Variants in PARD3 observed in about 807,000 individuals in gnomAD.
PARD3 encodes partitioning defective 3 homolog.
A neutral mutation model predicts 155.4 loss-of-function variants in PARD3; 75 were observed. That is an observed-to-expected ratio of 0.48 (90% confidence interval 0.40 to 0.58). The LOEUF (loss-of-function observed/expected upper bound fraction) is 0.58. PARD3 is among the 20% of genes least tolerant of loss of function. The pLI is 0.00. For missense variants in PARD3, 1,642 were observed against 1,721.7 expected, an observed-to-expected ratio of 0.95 and a Z score of 0.82; for synonymous variants, 576 against 610.5, an observed-to-expected ratio of 0.94 and a Z score of 0.83.
At chr10:34,603,353 T>C (rs753641874) in intron 2 of PARD3, among the ~76,000 whole-genome samples, 2 of 151,996 alleles carry the variant, frequency 1.3e-5, no homozygotes, top group African/African-American at 4.9e-5. Flanking sequence ...CACAGAAGAC[T>C]TGATACATTC....
At position 34,518,988 on chromosome 10, in the gene PARD3, T is replaced by C. The variant is rs150859437; in HGVS notation, c.223-1829A>G. Among the ~76,000 whole-genome samples, 30 of 152,310 alleles carry C rather than the reference T, an allele frequency of 2.0e-4. No individual in the cohort carries two copies. In the East Asian group the frequency reaches 2.1e-3, roughly 11 times the overall value. On this transcript the variant is annotated intron_variant, in intron 2 of 24. Coordinates refer to ENST00000374788, the MANE Select transcript of PARD3 (RefSeq NM_001184785.2). Reference sequence around the variant, plus strand: ...CTGATAAAATGCACTGGGAAGTATATAACATTACTTTTGTGGTATTCTTGC... The same window carrying C: ...CTGATAAAATGCACTGGGAAGTATACAACATTACTTTTGTGGTATTCTTGC...
intron 18 of PARD3, among the ~76,000 whole-genome samples, chr10:34,334,999 G>A (rs1032671563): frequency 1.3e-5 from 2 of 151,862 alleles, no homozygotes; most frequent in Non-Finnish European, 2.9e-5. Flanking sequence ...TACCTGAGCA[G>A]CTCAATTTGG....
chr10:34,619,022 C>T (rs982789026), intron 2 of PARD3, among the ~76,000 whole-genome samples: 2 of 151,680 alleles, frequency 1.3e-5, no homozygotes, highest in African/African-American at 4.8e-5. Flanking sequence ...CTCTAGAGTT[C>T]ACCAATATAG....
chr10:34,434,674 C>A (rs982975357), intron 5 of PARD3, among the ~76,000 whole-genome samples: 6 of 152,132 alleles, frequency 3.9e-5, no homozygotes. Flanking sequence ...GAGCTGTTGA[C>A]AGCTTGGACT....
chr10:34,304,786 A>G (rs1361972915), intron 20 of PARD3, among the ~76,000 whole-genome samples: 4 of 152,198 alleles, frequency 2.6e-5, no homozygotes, highest in African/African-American at 9.7e-5. Flanking sequence ...ATTGAAAACA[A>G]TGTTCTCTGC....
intron 2 of PARD3, among the ~76,000 whole-genome samples, chr10:34,684,455 A>G (rs1464756457): frequency 1.3e-5 from 2 of 152,144 alleles, no homozygotes; most frequent in Non-Finnish European, 2.9e-5. Context: ...TCAAACTCAC[A>G]GAAGACAACA....
intron 20 of PARD3, among the ~76,000 whole-genome samples, chr10:34,305,563 CTT>C (rs1589121873): frequency 6.6e-6 from 1 of 152,252 alleles, no homozygotes; most frequent in African/African-American, 2.4e-5. Flanking sequence ...AACACGAACT[CTT>C]TGCTTAAATC....
intron 7 of PARD3, among the ~76,000 whole-genome samples, chr10:34,397,595 A>G (rs563624313): frequency 9.2e-5 from 14 of 152,326 alleles, no homozygotes; most frequent in Admixed American, 2.0e-4. Flanking sequence ...GGATTTTGTG[A>G]AATGCCTTCC....
At chr10:34,325,927 C>A (rs554073100) in intron 19 of PARD3, among the ~76,000 whole-genome samples, 19 of 152,178 alleles carry the variant, frequency 1.2e-4, no homozygotes, top group African/African-American at 3.6e-4. Context: ...TCAAGACCAG[C>A]CTGGCCAACA....
At chr10:34,160,538 C>T (rs138016380) in intron 22 of PARD3, among the ~76,000 whole-genome samples, 2 of 152,316 alleles carry the variant, frequency 1.3e-5, no homozygotes, top group Admixed American at 1.3e-4. Context: ...GAAATTAGAT[C>T]TAACACAGTG....
Position 34,508,647 on chromosome 10 carries a change from G to T in PARD3, c.403+8332C>A, listed in dbSNP as rs191895333. ...GTGACCCTGAAAGCTTCAGATCTAAGCCTGATTTGTTAATATTGAAAATAA... is the reference window on the plus strand; with the variant it reads ...GTGACCCTGAAAGCTTCAGATCTAATCCTGATTTGTTAATATTGAAAATAA... On this transcript the variant is annotated intron_variant, in intron 3 of 24. Transcript: ENST00000374788. 1.5e-3 allele frequency among the ~76,000 whole-genome samples: 234 copies of T among 152,252 alleles called. 1 individual carries two copies. The highest frequency in any genetic ancestry group is 0.014 in the Middle Eastern group (4 of 292).
At chr10:34,349,012 A>G (rs1837722462) in intron 14 of PARD3, among the ~76,000 whole-genome samples, 1 of 152,208 alleles carries the variant, frequency 6.6e-6, no homozygotes, top group Non-Finnish European at 1.5e-5. Context: ...AAGAACATTT[A>G]ACTACAATCC....
intron 22 of PARD3, among the ~76,000 whole-genome samples, chr10:34,242,404 G>A (rs551354750): frequency 3.7e-4 from 57 of 152,136 alleles, no homozygotes; most frequent in African/African-American, 9.6e-4. Context: ...GAGGACATCC[G>A]TAAAAGGAAA....
At chr10:34,722,561 G>A (rs1170474530) in intron 1 of PARD3, among the ~76,000 whole-genome samples, 1 of 152,066 alleles carries the variant, frequency 6.6e-6, no homozygotes, top group Non-Finnish European at 1.5e-5. Context: ...TGTTCAGCAC[G>A]GTACTCCCTG....
At chr10:34,161,378 A>AT (rs1949272524) in intron 22 of PARD3, among the ~76,000 whole-genome samples, 8 of 152,284 alleles carry the variant, frequency 5.3e-5, no homozygotes, top group Middle Eastern at 3.4e-3. Flanking sequence ...CTATTTTAAC[A>AT]GTGTACAGTA....
At chr10:34,408,570 G>T (rs1399107314) in intron 5 of PARD3, among the ~76,000 whole-genome samples, 1 of 152,152 alleles carries the variant, frequency 6.6e-6, no homozygotes, top group African/African-American at 2.4e-5. Flanking sequence ...ATTGCAGAAG[G>T]CATTCGTGTT....
At chr10:34,777,003 A>ATTTTTTTTTTTTTTTTT (rs758917237) in intron 1 of PARD3, among the ~76,000 whole-genome samples, 2 of 122,410 alleles carry the variant, frequency 1.6e-5, no homozygotes, top group African/African-American at 3.4e-5. Flanking sequence ...TGTCTGGCTA[A>ATTTTTTTTTTTTTTTTT]TTTTTTTTTT....
intron 22 of PARD3, among the ~76,000 whole-genome samples, chr10:34,152,295 C>T (rs1029608372): frequency 1.1e-4 from 16 of 152,282 alleles, no homozygotes; most frequent in African/African-American, 3.9e-4. Context: ...TAGGCAATAT[C>T]ATCATGTGAA....
chr10:34,317,850 T>C (rs1489139102), intron 19 of PARD3, among the ~76,000 whole-genome samples: 1 of 152,240 alleles, frequency 6.6e-6, no homozygotes, highest in African/African-American at 2.4e-5. Context: ...GCTCCCAACA[T>C]ATCCTGCTCA....
Sources: allele counts gnomAD v4.1 joint callset (sites outside exome capture counted in the v4.1 genomes callset), GRCh38; gene constraint gnomAD v4.1.1; transcripts MANE v1.5; gene names NCBI Gene and HGNC (gene_info 2026-07-23, HGNC 2026-07-21).